The following SURF4 variants were observed in gnomAD, a reference collection of about 807,000 sequenced individuals.
SURF4 encodes surfeit locus protein 4.
A neutral mutation model predicts 30.0 loss-of-function variants in SURF4; 3 were observed. The observed-to-expected ratio is 0.10, with a 90% confidence interval of 0.05 to 0.26. The LOEUF (loss-of-function observed/expected upper bound fraction) is 0.26. Among genes scored for constraint, SURF4 ranks in the 10% least tolerant of loss-of-function variants. The probability of loss-of-function intolerance (pLI) is 1.00; values close to 1 mark genes in which losing one functional copy is unlikely to be tolerated. For synonymous variants in SURF4, 143 were observed against 139.9 expected, an observed-to-expected ratio of 1.02 and a Z score of -0.16; for missense variants, 217 against 350.8, an observed-to-expected ratio of 0.62 and a Z score of 3.05.
Position 133,363,491 on chromosome 9 carries a change from T to C in SURF4, c.*2A>G. The C allele has an allele frequency of 6.2e-7, 1 of 1,614,248 alleles. No homozygotes were observed. The highest frequency in any genetic ancestry group is 8.5e-7 in the Non-Finnish European group (1 of 1,180,050). ...AGCCAGGCAGGTAGGGATCTGTGAC[T>C]GTTACCACTCCTTCTTCTTCTCATC... On this transcript the variant is annotated 3_prime_UTR_variant, in exon 6 of 6. Transcript: ENST00000371989. This position sits in a 1 kb window ranked among gnomAD's most constrained non-coding sequence, Gnocchi z 4.3.
At chr9:133,364,653 T>C (rs907401317) in intron 5 of SURF4, among the ~76,000 whole-genome samples, 187 bp downstream of exon 5, 1 of 148,816 alleles carries the variant, frequency 6.7e-6, no homozygotes, top group Non-Finnish European at 1.5e-5. Context: ...GATCACGCAC[T>C]GCACTCCAGC....
rs146416483 is a variant in SURF4, at chr9:133,367,192, C to T, written c.235+67G>A. 1.3e-3 allele frequency: 2,093 copies of T among 1,564,948 alleles called. 37 individuals carry two copies. The highest frequency in any genetic ancestry group is 2.4e-4 in the Non-Finnish European group (279 of 1,152,182). On this transcript the variant is annotated intron_variant, in intron 2 of 5. Transcript: ENST00000371989. ...GGAGACCCCCGAGTTCACACACAGC[C>T]TCCCAACTGCTAACGATCATGGAAC...
chr9:133,366,728 C>T, intron 2 of SURF4, 53 bp from the exon 3 acceptor site: 1 of 1,565,368 alleles, frequency 6.4e-7, no homozygotes, highest in Non-Finnish European at 8.7e-7. Context: ...CGGCGGGGAG[C>T]ACTGTCTTGA....
At chr9:133,376,217 C>T, upstream of SURF4, 1 of 1,281,744 alleles carries the variant, frequency 7.8e-7, no homozygotes, top group South Asian at 2.6e-5. Flanking sequence ...CTCGAAGCCA[C>T]GCCCGCCGCG....
At chr9:133,376,130 G>A (rs1429941256), upstream of SURF4, 20 of 1,205,418 alleles carry the variant, frequency 1.7e-5, no homozygotes, top group Admixed American at 4.4e-5. Context: ...AGCCTTAAAG[G>A]GGCCGCGCGC....
At chr9:133,377,304 G>A (rs1838003221), upstream of SURF4, among the ~76,000 whole-genome samples, 1 of 152,108 alleles carries the variant, frequency 6.6e-6, no homozygotes. Context: ...CCATTTTACT[G>A]TTTAATTTGC....
intron 1 of SURF4, among the ~76,000 whole-genome samples, chr9:133,374,936 G>A (rs1305238899): frequency 1.3e-5 from 2 of 152,046 alleles, no homozygotes. Context: ...AAAGCCACAC[G>A]AACACATTAA....
chr9:133,368,678 G>C (rs1837325068), intron 1 of SURF4, among the ~76,000 whole-genome samples: 1 of 152,236 alleles, frequency 6.6e-6, no homozygotes, highest in African/African-American at 2.4e-5. Context: ...TGTGAGTCAG[G>C]TCATTTATGA....
Position 133,362,408 on chromosome 9 carries a change from T to C in SURF4, c.*1085A>G, listed in dbSNP as rs1214544486. 2 of 152,654 alleles carry C rather than the reference T, an allele frequency of 1.3e-5. No individual in the cohort carries two copies. The highest frequency in any genetic ancestry group is 2.4e-5 in the African/African-American group (1 of 41,454). The allele number at this position is 152,654 out of a possible 1,614,324, so 9.5% of individuals were successfully genotyped here. A position where few individuals can be genotyped will look rare whatever the true frequency, so the allele number is the denominator to read the frequency against. ...GCATCACAAATTGTAAAAAGGAATTTTGGCTGCATTCGGCATAGCAAACGG... is the reference window on the plus strand; with the variant it reads ...GCATCACAAATTGTAAAAAGGAATTCTGGCTGCATTCGGCATAGCAAACGG... On this transcript the variant is annotated 3_prime_UTR_variant, in exon 6 of 6. Coordinates refer to ENST00000371989, the MANE Select transcript of SURF4 (RefSeq NM_033161.4).
upstream of SURF4, among the ~76,000 whole-genome samples, chr9:133,377,891 C>A (rs1231666846): frequency 6.6e-6 from 1 of 152,164 alleles, no homozygotes; most frequent in East Asian, 1.9e-4. Flanking sequence ...TGTTTTCTTG[C>A]AACTAGACCA....
rs2130183535 is a variant in SURF4, at chr9:133,370,864, CAGTT to C, written c.49-3423_49-3420del. On this transcript the variant is annotated intron_variant, in intron 1 of 5. Coordinates refer to ENST00000371989, the MANE Select transcript of SURF4 (RefSeq NM_033161.4). ...CTGGCAGGCTGCAGGAAGAAGATGA[CAGTT>C]AGCTCACCTCTGTGGCCAAGCTTCT... The C allele has an allele frequency of 4.7e-6, 6 of 1,289,446 alleles. No homozygotes were observed. The East Asian group carries it at 2.8e-4, about 60-fold the overall frequency. The allele number at this position is 1,289,446 out of a possible 1,614,324, so 79.9% of individuals were successfully genotyped here.
chr9:133,375,084 TG>T lies in SURF4; in HGVS notation c.48+837del, dbSNP rs1425424047. 3.9e-5 allele frequency among the ~76,000 whole-genome samples: 6 copies of T among 152,210 alleles called. No homozygotes were observed. The East Asian group carries it at 9.6e-4, about 24-fold the overall frequency. On this transcript the variant is annotated intron_variant, in intron 1 of 5. Transcript: ENST00000371989. ...CGTAACCACCACCACCTTTTGTTTTTGTTTTTTTGTTCTGTCAAGCTTAATC... is the reference window on the plus strand; with the variant it reads ...CGTAACCACCACCACCTTTTGTTTTTTTTTTTTGTTCTGTCAAGCTTAATC...
At chr9:133,376,077 C>G, upstream of SURF4, 1 of 1,206,276 alleles carries the variant, frequency 8.3e-7, no homozygotes, top group Non-Finnish European at 1.0e-6. Flanking sequence ...CGGCCGGCCT[C>G]GCTCCGCGTC....
intron 1 of SURF4, among the ~76,000 whole-genome samples, chr9:133,370,549 G>A (rs1837444522): frequency 6.6e-6 from 1 of 152,156 alleles, no homozygotes; most frequent in Non-Finnish European, 1.5e-5. Context: ...TTTCCTACAT[G>A]CATGTTGGTC....
At chr9:133,376,578 C>T (rs1837962519), upstream of SURF4, 5 of 1,565,078 alleles carry the variant, frequency 3.2e-6, no homozygotes, top group Admixed American at 5.9e-5. Flanking sequence ...GTGTTCCCTG[C>T]GGGGAGGCGG....
intron 1 of SURF4, chr9:133,371,012 G>T (rs998699236): frequency 2.0e-5 from 26 of 1,280,986 alleles, no homozygotes; most frequent in Non-Finnish European, 2.5e-5. Context: ...TATTTTAGAC[G>T]ACTGAAGGGG....
At chr9:133,372,016 G>T (rs1447062765) in intron 1 of SURF4, among the ~76,000 whole-genome samples, 1 of 152,252 alleles carries the variant, frequency 6.6e-6, no homozygotes, top group Non-Finnish European at 1.5e-5. Flanking sequence ...GGTATAAACT[G>T]CTTAGAAGCT....
chr9:133,365,178 C>G (rs1347803195), intron 4 of SURF4, 152 bp from the exon 5 acceptor site: 1 of 685,122 alleles, frequency 1.5e-6, no homozygotes, highest in Admixed American at 3.2e-5. Flanking sequence ...ACCAGGCAGG[C>G]ATGCGCACAG....
At chr9:133,366,184 T>C (rs1837159608) in intron 3 of SURF4, 156 bp from the exon 4 acceptor site, 1 of 693,946 alleles carries the variant, frequency 1.4e-6, no homozygotes, top group Non-Finnish European at 2.4e-6. Flanking sequence ...AGCTCAAAAA[T>C]GTGGTTCTGT....
Sources: allele counts gnomAD v4.1 joint callset (sites outside exome capture counted in the v4.1 genomes callset), GRCh38; gene constraint gnomAD v4.1.1; non-coding constraint Gnocchi (gnomAD v3.1); transcripts MANE v1.5; gene names NCBI Gene and HGNC (gene_info 2026-07-23, HGNC 2026-07-21).